TTL: variants seen among roughly 807,000 people sequenced by gnomAD.
TTL encodes tubulin tyrosine ligase.
In TTL, 10 loss-of-function variants were observed where a neutral mutation model predicts 41.1. The ratio of observed to expected loss-of-function variants is 0.24; its 90% CI spans 0.15 to 0.41. The LOEUF (loss-of-function observed/expected upper bound fraction) is 0.41, where lower values mean the gene tolerates loss of function less well. Ranked by LOEUF, TTL falls within the 10% of genes least tolerant of loss-of-function variation. The pLI, the probability that TTL is intolerant of heterozygous loss-of-function variation, is 1.00. For synonymous variants in TTL, 175 were observed against 175.5 expected, an observed-to-expected ratio of 1.00 and a Z score of 0.02; for missense variants, 367 against 460.4, an observed-to-expected ratio of 0.80 and a Z score of 1.86.
chr2:112,526,905 G>T (rs889441541), intron 6 of TTL, among the ~76,000 whole-genome samples: 7 of 152,136 alleles, frequency 4.6e-5, no homozygotes, highest in African/African-American at 1.7e-4. Context: ...GATCTTTCCT[G>T]CTTTCTCTTG....
Position 112,539,943 on chromosome 2 carries a change from G to C in TTL, c.*11148G>C, listed in dbSNP as rs1253012379. 1 of 152,016 alleles carries C rather than the reference G, an allele frequency of 6.6e-6. No homozygotes were observed. The highest frequency in any genetic ancestry group is 1.5e-5 in the Non-Finnish European group (1 of 67,976). 9.4% of individuals were successfully genotyped at this position (152,016 alleles called of 1,614,324 possible). A position where few individuals can be genotyped will look rare whatever the true frequency, so the allele number is the denominator to read the frequency against. On this transcript the variant is annotated 3_prime_UTR_variant, in exon 7 of 7. Transcript: ENST00000233336. Reference sequence around the variant, plus strand: ...AACACCAAAAAGAATGAAATACTTAGGAATAAATTTAACAAAAGTTCATTT... The same window carrying C: ...AACACCAAAAAGAATGAAATACTTACGAATAAATTTAACAAAAGTTCATTT...
chr2:112,521,314 G>A (rs781626238), intron 6 of TTL: 69 of 985,286 alleles, frequency 7.0e-5, no homozygotes, highest in East Asian at 5.7e-4. Context: ...TAGCATGAGC[G>A]TCATGGAGTC....
intron 6 of TTL, among the ~76,000 whole-genome samples, chr2:112,525,240 G>T (rs1682340890): frequency 6.6e-6 from 1 of 152,156 alleles, no homozygotes; most frequent in African/African-American, 2.4e-5. Context: ...CTCCAGCTTT[G>T]TTCTTTTGGC....
rs1681112980 is a variant in TTL at position 112,482,362 on chromosome 2, A to T, written c.18A>T (p.Val6=). 1 of 1,564,914 alleles carries T rather than the reference A, an allele frequency of 6.4e-7. No individual in the cohort carries two copies. The highest frequency in any genetic ancestry group is 1.2e-5 in the South Asian group (1 of 85,548). ...GCTTCGCCATGTACACCTTCGTGGT[A>T]CGCGATGAGAACAGCAGCGTCTACG... MYTFV[V]RDENSSVYAE... The change falls in exon 1 of 7, where the codon GTA becomes GTT. Residue 6 remains valine (V), a synonymous_variant. Coordinates refer to ENST00000233336, the MANE Select transcript of TTL (RefSeq NM_153712.5). This position sits in a 1 kb window ranked among gnomAD's most constrained non-coding sequence, Gnocchi z 5.3.
intron 2 of TTL, among the ~76,000 whole-genome samples, chr2:112,493,372 C>T (rs1029675790): frequency 6.7e-6 from 1 of 150,362 alleles, no homozygotes; most frequent in African/African-American, 2.4e-5. Flanking sequence ...AAAAAAAAGA[C>T]TTGGGAGTTC....
Position 112,485,968 on chromosome 2 carries a change from A to G in TTL, c.209A>G (p.Lys70Arg), listed in dbSNP as rs750479292. The change falls in exon 2 of 7, where the codon AAA becomes AGA. Residue 70 changes from lysine (K) to arginine (R), a missense_variant. Physicochemically the swap from Lys to Arg is conservative, Grantham distance 26. Coordinates refer to ENST00000233336, the MANE Select transcript of TTL (RefSeq NM_153712.5). ...QLVNYYRGADKLCRKASLVKL... is the reference protein window; with the variant it reads ...QLVNYYRGADRLCRKASLVKL... ...GTGAATTACTACAGGGGTGCTGACA[A>G]ACTGTGTCGCAAAGCTTCTTTAGTG... 11 of 1,614,192 alleles carry G rather than the reference A, an allele frequency of 6.8e-6. No individual in the cohort carries two copies. In the South Asian group the frequency reaches 9.9e-5, roughly 14 times the overall value.
At chr2:112,523,770 GT>G (rs10566056) in intron 6 of TTL, among the ~76,000 whole-genome samples, 29,777 of 151,478 alleles carry the variant, frequency 0.2, 3,461 homozygotes, top group African/African-American at 0.33. Context: ...GTGGCAACCA[GT>G]TTTTTTTTTT....
chr2:112,522,808 G>T (rs897676623), intron 6 of TTL, among the ~76,000 whole-genome samples: 2 of 152,094 alleles, frequency 1.3e-5, no homozygotes, highest in Non-Finnish European at 2.9e-5. Flanking sequence ...CCTGTGGGTT[G>T]TACCTCTAGC....
chr2:112,525,426 T>C (rs1034775699), intron 6 of TTL, among the ~76,000 whole-genome samples: 3 of 152,250 alleles, frequency 2.0e-5, no homozygotes, highest in South Asian at 2.1e-4. Flanking sequence ...TCCATGAGCA[T>C]GGAATGGTCT....
chr2:112,529,523 A>G lies in TTL; in HGVS notation c.*728A>G, dbSNP rs1682454147. On this transcript the variant is annotated 3_prime_UTR_variant, in exon 7 of 7. Transcript: ENST00000233336. Reference sequence around the variant, plus strand: ...ATATATTGCTTTACTTAATAGGTTGAATATGGTAGGTCTTTGAAAATATGA... The same window carrying G: ...ATATATTGCTTTACTTAATAGGTTGGATATGGTAGGTCTTTGAAAATATGA... 4.4e-6 allele frequency: 1 copy of G among 229,616 alleles called. No homozygotes were observed. The highest frequency in any genetic ancestry group is 2.2e-5 in the African/African-American group (1 of 45,294). 14.2% of individuals were successfully genotyped at this position (229,616 alleles called of 1,614,324 possible). A position where few individuals can be genotyped will look rare whatever the true frequency, so the allele number is the denominator to read the frequency against.
Position 112,482,337 on chromosome 2 carries a change from G to C in TTL, c.-8G>C, listed in dbSNP as rs2104442000. On this transcript the variant is annotated 5_prime_UTR_variant, in exon 1 of 7. Coordinates refer to ENST00000233336, the MANE Select transcript of TTL (RefSeq NM_153712.5). The surrounding 1 kb of genome is among the most constrained non-coding windows in gnomAD (Gnocchi z 5.3). ...CTGCCCGGCGGCCCGGGCGCGCGGC[G>C]CTTCGCCATGTACACCTTCGTGGTA... 6.6e-7 allele frequency: 1 copy of C among 1,505,522 alleles called. No homozygotes were observed. Among genetic ancestry groups the C allele is most frequent in the Non-Finnish European group, 8.9e-7 (1 of 1,124,398 alleles). 93.3% of individuals were successfully genotyped at this position (1,505,522 alleles called of 1,614,324 possible). A position where few individuals can be genotyped will look rare whatever the true frequency, so the allele number is the denominator to read the frequency against.
intron 3 of TTL, among the ~76,000 whole-genome samples, chr2:112,496,331 C>A (rs570081694): frequency 2.0e-5 from 3 of 152,244 alleles, no homozygotes; most frequent in African/African-American, 7.2e-5. Context: ...TGTTTGGAAA[C>A]CATAAAATGA....
chr2:112,527,090 G>C (rs1682391343), intron 6 of TTL, among the ~76,000 whole-genome samples: 1 of 152,204 alleles, frequency 6.6e-6, no homozygotes, highest in Non-Finnish European at 1.5e-5. Context: ...CCATGTAGTT[G>C]AGCGGTTTTG....
In TTL at chr2:112,532,970, A is replaced by G. The variant is rs1304517612; in HGVS notation, c.*4175A>G. 1 of 152,202 alleles carries G rather than the reference A, an allele frequency of 6.6e-6. No homozygotes were observed. The highest frequency in any genetic ancestry group is 2.4e-5 in the African/African-American group (1 of 41,450). 9.4% of individuals were successfully genotyped at this position (152,202 alleles called of 1,614,324 possible). ...TCGAGTTCTTGTAAAGCATTTCACC[A>G]AGGCCAGGTTTTTAAATACCTATAA... On this transcript the variant is annotated 3_prime_UTR_variant, in exon 7 of 7. Transcript: ENST00000233336.
chr2:112,491,816 C>G (rs1353291467), intron 2 of TTL, among the ~76,000 whole-genome samples: 1 of 152,154 alleles, frequency 6.6e-6, no homozygotes, highest in African/African-American at 2.4e-5. Context: ...TTACCATAGC[C>G]TATTGCAGTC....
intron 5 of TTL, among the ~76,000 whole-genome samples, chr2:112,513,156 A>G (rs1428552787): frequency 2.6e-5 from 4 of 151,952 alleles, no homozygotes; most frequent in Admixed American, 6.6e-5. Context: ...ACATAATGTT[A>G]TTATTTTTGC....
intron 2 of TTL, among the ~76,000 whole-genome samples, chr2:112,491,496 G>A (rs956665398): frequency 6.6e-6 from 1 of 152,196 alleles, no homozygotes; most frequent in Non-Finnish European, 1.5e-5. Context: ...GTGGGCAATT[G>A]TGACTCAGCT....
chr2:112,486,161 G>T (rs1284041521), intron 2 of TTL, among the ~76,000 whole-genome samples, 166 bp downstream of exon 2: 2 of 152,216 alleles, frequency 1.3e-5, no homozygotes, highest in Non-Finnish European at 2.9e-5. Context: ...CATGGTGCTT[G>T]ATAAAGCCTG....
chr2:112,529,496 T>C lies in TTL; in HGVS notation c.*701T>C, dbSNP rs867072902. On this transcript the variant is annotated 3_prime_UTR_variant, in exon 7 of 7. Coordinates refer to ENST00000233336, the MANE Select transcript of TTL (RefSeq NM_153712.5). Reference sequence around the variant, plus strand: ...AATAAGCATGAGAGAGAAAAAAACATGATATATTGCTTTACTTAATAGGTT... The same window carrying C: ...AATAAGCATGAGAGAGAAAAAAACACGATATATTGCTTTACTTAATAGGTT... The C allele has an allele frequency of 3.9e-5, 9 of 228,430 alleles. No homozygotes were observed. The highest frequency in any genetic ancestry group is 3.4e-4 in the Admixed American group (6 of 17,586). The allele number at this position is 228,430 out of a possible 1,614,324, so 14.2% of individuals were successfully genotyped here. A position where few individuals can be genotyped will look rare whatever the true frequency, so the allele number is the denominator to read the frequency against.
Sources: allele counts gnomAD v4.1 joint callset (sites outside exome capture counted in the v4.1 genomes callset), GRCh38; gene constraint gnomAD v4.1.1; non-coding constraint Gnocchi (gnomAD v3.1); transcripts MANE v1.5; gene names NCBI Gene and HGNC (gene_info 2026-07-23, HGNC 2026-07-21).